AMHR2: variants seen among roughly 807,000 people sequenced by gnomAD.
AMHR2 encodes the protein anti-Muellerian hormone type-2 receptor.
In AMHR2, 36 loss-of-function variants were observed where a neutral mutation model predicts 61.4. The observed-to-expected ratio is 0.59, with a 90% CI of 0.45 to 0.77. The LOEUF (loss-of-function observed/expected upper bound fraction) is 0.77, where lower values mean the gene tolerates loss of function less well. Among genes scored for constraint, AMHR2 ranks in the 30% least tolerant of loss-of-function variants. The probability of loss-of-function intolerance (pLI) is 0.00; values close to 1 mark genes in which losing one functional copy is unlikely to be tolerated. For missense variants in AMHR2, 638 were observed against 714.6 expected (o/e 0.89, Z 1.22); for synonymous variants, 258 against 279.4 (o/e 0.92, Z 0.76).
At position 53,425,867 on chromosome 12, in the gene AMHR2, G is replaced by T. The variant is rs779570019; in HGVS notation, c.800G>T (p.Gly267Val). ...IVRFITASRG[G>V]PGRLLSGPLL... ...CGATTTATCACTGCCAGCCGGGGGG[G>T]TCCTGGCCGCCTGCTCTCTGGGCCC... The change falls in exon 6 of 11, where the codon GGT becomes GTT. Residue 267 changes from glycine (G) to valine (V), a missense_variant. Coordinates refer to ENST00000257863, the MANE Select transcript of AMHR2 (RefSeq NM_020547.3). 3 of 1,614,110 alleles carry T rather than the reference G, an allele frequency of 1.9e-6. No individual in the cohort carries two copies. Among genetic ancestry groups the T allele is most frequent in the African/African-American group, 2.7e-5 (2 of 75,008 alleles).
chr12:53,428,919 C>G lies in AMHR2; in HGVS notation c.876C>G (p.Thr292=). The G allele has an allele frequency of 1.3e-6, 2 of 1,551,612 alleles. No individual in the cohort carries two copies. The highest frequency in any genetic ancestry group is 1.7e-6 in the Non-Finnish European group (2 of 1,147,022). Residue 292 remains threonine (T), a synonymous_variant, in exon 7 of 11, where the codon ACC becomes ACG. Coordinates refer to ENST00000257863, the MANE Select transcript of AMHR2 (RefSeq NM_020547.3). ...HPKGSLCHYL[T]QYTSDWGSSL... The stretch of plus-strand genomic sequence containing the variant: ...AGGGCTCCCTGTGCCACTACTTGAC[C>G]CAGTACACCAGTGACTGGGGAAGTT...
Position 53,429,958 on chromosome 12 carries a change from G to A in AMHR2, c.1268G>A (p.Arg423His), listed in dbSNP as rs777902651. 1.2e-5 allele frequency: 19 copies of A among 1,614,070 alleles called. No homozygotes were observed. The highest frequency in any genetic ancestry group is 3.3e-5 in the South Asian group (3 of 91,090). ...LALLLWEILS[R>H]CPDLRPDSSP... The stretch of plus-strand genomic sequence containing the variant: ...CTGCTCCTGTGGGAGATACTGAGCC[G>A]CTGCCCAGATTTGAGGCCTGGTAAG... Residue 423 changes from arginine (R) to histidine (H), a missense_variant, in exon 9 of 11, where the codon CGC (arginine) becomes CAC (histidine). Arg to His is a conservative substitution (Grantham distance 29). Transcript: ENST00000257863.
intron 5 of AMHR2, 21 bp downstream of exon 5, chr12:53,425,594 A>C: frequency 5.0e-6 from 8 of 1,613,326 alleles, no homozygotes; most frequent in Non-Finnish European, 6.8e-6. Context: ...GAGGGAGAGA[A>C]GGGCTCCTCT....
intron 10 of AMHR2, 97 bp from the exon 11 acceptor site, chr12:53,431,080 T>C: frequency 6.9e-7 from 1 of 1,446,776 alleles, no homozygotes; most frequent in Non-Finnish European, 9.7e-7. Flanking sequence ...AAGTGGATGT[T>C]GAAAGCAGGA....
At chr12:53,430,332 C>T in intron 10 of AMHR2, 50 bp downstream of exon 10, 3 of 1,613,790 alleles carry the variant, frequency 1.9e-6, no homozygotes, top group African/African-American at 1.3e-5. Flanking sequence ...GGGGGCTGGG[C>T]ATGGGCTTCA....
intron 7 of AMHR2, 61 bp from the exon 8 acceptor site, chr12:53,429,391 CA>C (rs56681678): frequency 0.091 from 108,593 of 1,192,108 alleles, 2 homozygotes; most frequent in South Asian, 0.1. Flanking sequence ...GACGCCGACT[CA>C]AAAAAAAAAA....
rs1282802724 is a variant in AMHR2, at chr12:53,430,139, C to T, written c.1289-7C>T. On this transcript the variant is annotated splice_region_variant and splice_polypyrimidine_tract_variant and intron_variant, in intron 9 of 10. Transcript: ENST00000257863. ...AACTGATACCCAGCCCCTCTACCTTCCTCCAGACAGCAGTCCACCACCCTT... is the reference window on the plus strand; with the variant it reads ...AACTGATACCCAGCCCCTCTACCTTTCTCCAGACAGCAGTCCACCACCCTT... 6.2e-7 allele frequency: 1 copy of T among 1,614,194 alleles called. No homozygotes were observed. The highest frequency in any genetic ancestry group is 8.5e-7 in the Non-Finnish European group (1 of 1,180,030).
intron 8 of AMHR2, 61 bp from the exon 9 acceptor site, chr12:53,429,770 C>T: frequency 6.2e-7 from 1 of 1,611,536 alleles, no homozygotes; most frequent in Non-Finnish European, 8.5e-7. Flanking sequence ...TTGCATGGAC[C>T]ATTGCTGCAA....
At chr12:53,424,680 C>G in intron 2 of AMHR2, 29 bp from the exon 3 acceptor site, 1 of 1,607,924 alleles carries the variant, frequency 6.2e-7, no homozygotes. Context: ...CCCCCTTTCT[C>G]TCCTCTTCCC....
chr12:53,424,675 T>C, intron 2 of AMHR2, 34 bp from the exon 3 acceptor site: 1 of 1,604,002 alleles, frequency 6.2e-7, no homozygotes, highest in Non-Finnish European at 8.5e-7. Flanking sequence ...TTGCCCCCCC[T>C]TTCTCTCCTC....
At position 53,429,796 on chromosome 12, in the gene AMHR2, A is replaced by G. The variant is rs1452316532; in HGVS notation, c.1141-35A>G. 5.6e-6 allele frequency: 9 copies of G among 1,613,948 alleles called. No individual in the cohort carries two copies. In the South Asian group the frequency reaches 9.9e-5, roughly 18 times the overall value. On this transcript the variant is annotated intron_variant, in intron 8 of 10. Transcript: ENST00000257863. Reference sequence around the variant, plus strand: ...ATTGCTGCAATGAGGATTGCCACAGAGATGATTCTTGGCCCTTCGTGCCTT... The same window carrying G: ...ATTGCTGCAATGAGGATTGCCACAGGGATGATTCTTGGCCCTTCGTGCCTT...
At chr12:53,426,279 G>A (rs772909485) in intron 6 of AMHR2, among the ~76,000 whole-genome samples, 10 of 152,130 alleles carry the variant, frequency 6.6e-5, no homozygotes, top group South Asian at 2.1e-4. Context: ...GCAGTGAGCC[G>A]TGAGCATCCC....
intron 7 of AMHR2, 59 bp downstream of exon 7, chr12:53,429,069 C>T: frequency 7.0e-7 from 1 of 1,436,304 alleles, no homozygotes; most frequent in East Asian, 2.5e-5. Context: ...GTGATTCTGC[C>T]TTAGTTTGGA....
At chr12:53,431,097 T>C (rs927294913) in intron 10 of AMHR2, 80 bp from the exon 11 acceptor site, 3 of 1,520,002 alleles carry the variant, frequency 2.0e-6, no homozygotes, top group African/African-American at 2.7e-5. Flanking sequence ...AGGAGAGTGA[T>C]GGACACTGAA....
chr12:53,431,120 C>T (rs193038099), intron 10 of AMHR2, 57 bp from the exon 11 acceptor site: 25 of 1,601,524 alleles, frequency 1.6e-5, no homozygotes, highest in Middle Eastern at 4.3e-4. Context: ...TGGCTTTTAA[C>T]CCTGGGGCCC....
At chr12:53,425,068 GT>G in intron 3 of AMHR2, 96 bp from the exon 4 acceptor site, 1 of 1,600,082 alleles carries the variant, frequency 6.2e-7, no homozygotes, top group Non-Finnish European at 8.5e-7. Flanking sequence ...TGTGACCAGG[GT>G]GGGGGTGGGT....
chr12:53,426,400 G>A (rs977207776), intron 6 of AMHR2, among the ~76,000 whole-genome samples: 1 of 152,114 alleles, frequency 6.6e-6, no homozygotes, highest in African/African-American at 2.4e-5. Context: ...AAGGTGTGAG[G>A]ATCACTTGAA....
chr12:53,430,383 C>T (rs1940010856), intron 10 of AMHR2, 101 bp downstream of exon 10: 4 of 1,576,896 alleles, frequency 2.5e-6, no homozygotes, highest in African/African-American at 1.3e-5. Flanking sequence ...CCTATCTCCA[C>T]TTATCTCCCA....
At chr12:53,425,004 C>T (rs1242103063) in intron 3 of AMHR2, 104 bp downstream of exon 3, 4 of 1,557,106 alleles carry the variant, frequency 2.6e-6, no homozygotes, top group Admixed American at 1.7e-5. Context: ...CCACGCTTTC[C>T]TCCTCCTGGC....
Sources: allele counts gnomAD v4.1 joint callset (sites outside exome capture counted in the v4.1 genomes callset), GRCh38; gene constraint gnomAD v4.1.1; transcripts MANE v1.5; gene names NCBI Gene and HGNC (gene_info 2026-07-23, HGNC 2026-07-21).